TFAP2A: variants seen among roughly 807,000 people sequenced by gnomAD.
The protein encoded by TFAP2A is transcription factor AP-2-alpha.
A neutral mutation model predicts 41.5 loss-of-function variants in TFAP2A; 7 were observed. That is an observed-to-expected ratio of 0.17 (90% CI 0.10 to 0.32). The LOEUF is 0.32. Ranked by LOEUF, TFAP2A falls within the 10% of genes least tolerant of loss-of-function variation. The pLI, the probability that TFAP2A is intolerant of heterozygous loss-of-function variation, is 1.00. For missense variants in TFAP2A, 416 were observed against 563.3 expected, an observed-to-expected ratio of 0.74 and a Z score of 2.65; for synonymous variants, 247 against 242.8, an observed-to-expected ratio of 1.02 and a Z score of -0.16.
At chr6:10,399,072 A>G (rs1048279893) in intron 6 of TFAP2A, among the ~76,000 whole-genome samples, 1 of 152,218 alleles carries the variant, frequency 6.6e-6, no homozygotes, top group Non-Finnish European at 1.5e-5. Context: ...CAGAAACAGT[A>G]GCATCTTGCG....
intron 1 of TFAP2A, among the ~76,000 whole-genome samples, chr6:10,413,207 C>G (rs1042946801): frequency 6.6e-6 from 1 of 152,258 alleles, no homozygotes; most frequent in Non-Finnish European, 1.5e-5. Context: ...CCGAAATCCC[C>G]GCTCCGGCGC....
chr6:10,410,426 G>T, intron 1 of TFAP2A, 91 bp from the exon 2 acceptor site: 1 of 1,359,986 alleles, frequency 7.4e-7, no homozygotes. Flanking sequence ...AGTCTGCGTG[G>T]GAAATCGCCC....
Position 10,404,493 on chromosome 6 carries a change from C to T in TFAP2A, c.770+15G>A, listed in dbSNP as rs1387309199. On this transcript the variant is annotated intron_variant, in intron 4 of 6. Transcript: ENST00000379613. ...GGCCGCGGGGCGGGGCGGGCGGGGC[C>T]GTGCCGGGCCTCACCTCCGGAGCAC... 6 of 1,548,520 alleles carry T rather than the reference C, an allele frequency of 3.9e-6. No homozygotes were observed. Among genetic ancestry groups the T allele is most frequent in the Non-Finnish European group, 4.4e-6 (5 of 1,147,754 alleles).
At chr6:10,416,493 C>T (rs1211156049), upstream of TFAP2A, 1 of 151,942 alleles carries the variant, frequency 6.6e-6, no homozygotes, top group Non-Finnish European at 1.5e-5. Context: ...ATTTTCCTGG[C>T]TGAGCTTCCT....
At chr6:10,410,430 A>G in intron 1 of TFAP2A, 95 bp from the exon 2 acceptor site, 3 of 1,325,566 alleles carry the variant, frequency 2.3e-6, no homozygotes, top group Non-Finnish European at 3.2e-6. Context: ...TGCGTGGGAA[A>G]TCGCCCGTTC....
At chr6:10,402,669 C>T (rs1315238640) in intron 4 of TFAP2A, 59 bp from the exon 5 acceptor site, 2 of 1,246,646 alleles carry the variant, frequency 1.6e-6, no homozygotes, top group Non-Finnish European at 2.3e-6. Context: ...CTCTGCACCA[C>T]ATTAAAATCA....
chr6:10,409,714 G>C lies in TFAP2A; in HGVS notation c.486+187C>G, dbSNP rs538233767. 4 of 665,780 alleles carry C rather than the reference G, an allele frequency of 6.0e-6. No homozygotes were observed. In the African/African-American group the frequency reaches 7.2e-5, roughly 12 times the overall value. 41.2% of individuals were successfully genotyped at this position (665,780 alleles called of 1,614,324 possible). ...GAGCTCCAGAAACCATTGTTCTGGG[G>C]TAGAACTCGCAACTACTTTGTGTGG... On this transcript the variant is annotated intron_variant, in intron 2 of 6. Coordinates refer to ENST00000379613, the MANE Select transcript of TFAP2A (RefSeq NM_001372066.1).
At chr6:10,410,398 C>A in intron 1 of TFAP2A, 63 bp from the exon 2 acceptor site, 2 of 1,496,460 alleles carry the variant, frequency 1.3e-6, no homozygotes, top group Non-Finnish European at 1.8e-6. Context: ...CAACTATCCA[C>A]ACAAAATCCA....
At chr6:10,405,118 G>T in intron 3 of TFAP2A, 1 of 241,464 alleles carries the variant, frequency 4.1e-6, no homozygotes, top group Non-Finnish European at 8.1e-6. Context: ...TCAGGGTGCA[G>T]GGGAGGGAAT....
chr6:10,400,209 C>T (rs532852744), intron 6 of TFAP2A, among the ~76,000 whole-genome samples: 2 of 147,380 alleles, frequency 1.4e-5, no homozygotes, highest in South Asian at 4.3e-4. Context: ...CCCATACACA[C>T]TCATTAAAAA....
chr6:10,408,478 A>G (rs990368386), intron 2 of TFAP2A, among the ~76,000 whole-genome samples: 2 of 152,248 alleles, frequency 1.3e-5, no homozygotes, highest in African/African-American at 2.4e-5. Context: ...CAAGCAAGGA[A>G]AAGATTCAGA....
chr6:10,410,014 G>T lies in TFAP2A; in HGVS notation c.373C>A (p.Pro125Thr). The T allele has an allele frequency of 6.2e-7, 1 of 1,612,350 alleles. No homozygotes were observed. Among genetic ancestry groups the T allele is most frequent in the Non-Finnish European group, 8.5e-7 (1 of 1,179,420 alleles). Residue 125 changes from proline to threonine, a missense_variant, in exon 2 of 7, where the codon CCT becomes ACT. Pro to Thr is a conservative substitution (Grantham distance 38). This residue lies in a region of TFAP2A where 241 missense variants were observed against 274.1 expected (regional missense o/e 0.88). Coordinates refer to ENST00000379613, the MANE Select transcript of TFAP2A (RefSeq NM_001372066.1). The part of the protein sequence containing the change: ...GLPHQLSGLD[P>T]RRDYRRHEDL... ...TCGTGCCGCCTGTAGTCCCTGCGAGGATCCAGGCCCGACAGCTGGTGAGGC... is the reference window on the plus strand; with the variant it reads ...TCGTGCCGCCTGTAGTCCCTGCGAGTATCCAGGCCCGACAGCTGGTGAGGC...
At chr6:10,417,069 C>A (rs1758271383), upstream of TFAP2A, 1 of 152,776 alleles carries the variant, frequency 6.5e-6, no homozygotes, top group African/African-American at 2.4e-5. Context: ...ATCTGGGCTG[C>A]CAGGAGCACC....
At chr6:10,404,386 C>T (rs929811759) in intron 4 of TFAP2A, 122 bp downstream of exon 4, 1 of 471,318 alleles carries the variant, frequency 2.1e-6, no homozygotes, top group Admixed American at 5.4e-5. Flanking sequence ...CGCCCCCTTT[C>T]CTTTCCCGCG....
upstream of TFAP2A, among the ~76,000 whole-genome samples, chr6:10,419,203 C>A (rs1434501714): frequency 4.6e-5 from 7 of 152,336 alleles, no homozygotes; most frequent in African/African-American, 1.7e-4. Context: ...GCCCCGCGGG[C>A]TGCGCGCTTT....
At chr6:10,402,188 G>A (rs1390404595) in intron 5 of TFAP2A, 18 of 434,012 alleles carry the variant, frequency 4.1e-5, no homozygotes, top group Non-Finnish European at 7.0e-5. Flanking sequence ...ATTTACTGCT[G>A]AGCCCTTTAA....
intron 2 of TFAP2A, 170 bp downstream of exon 2, chr6:10,409,731 T>C: frequency 1.3e-6 from 1 of 779,834 alleles, no homozygotes; most frequent in Non-Finnish European, 2.1e-6. Flanking sequence ...TCGCAACTAC[T>C]TTGTGTGGTT....
At chr6:10,404,407 C>G (rs888393668) in intron 4 of TFAP2A, 101 bp downstream of exon 4, 1 of 813,886 alleles carries the variant, frequency 1.2e-6, no homozygotes, top group East Asian at 3.5e-5. Flanking sequence ...TAGGGAGGGC[C>G]GCGGCGCGAG....
At chr6:10,406,216 C>A (rs1757708109) in intron 3 of TFAP2A, 1 of 153,762 alleles carries the variant, frequency 6.5e-6, no homozygotes, top group Admixed American at 6.4e-5. Flanking sequence ...TGACACTTTT[C>A]TAACAATTTC....
Sources: gnomAD v4.1 joint callset for allele counts (sites outside exome capture counted in the v4.1 genomes callset) on GRCh38, gnomAD v4.1.1 for gene constraint, gnomAD v4.1.1 regional missense constraint, MANE v1.5 for transcripts, NCBI Gene and HGNC (gene_info 2026-07-23, HGNC 2026-07-21) for gene names.